Variants in RABGAP1L observed in about 807,000 individuals in gnomAD.
RABGAP1L encodes rab GTPase-activating protein 1-like.
In RABGAP1L, 63 loss-of-function variants were observed where a neutral mutation model predicts 137.7. The ratio of observed to expected loss-of-function variants is 0.46; its 90% CI spans 0.37 to 0.56. The LOEUF (loss-of-function observed/expected upper bound fraction) is 0.56. Among genes scored for constraint, RABGAP1L ranks in the 20% least tolerant of loss-of-function variants. The pLI, the probability that RABGAP1L is intolerant of heterozygous loss-of-function variation, is 0.00. For missense variants in RABGAP1L, 1,095 were observed against 1,244.0 expected (o/e 0.88, Z 1.80); for synonymous variants, 431 against 433.7 (o/e 0.99, Z 0.08).
chr1:174,330,990 G>A (rs190411282), intron 11 of RABGAP1L, among the ~76,000 whole-genome samples: 4 of 152,200 alleles, frequency 2.6e-5, no homozygotes, highest in Admixed American at 6.5e-5. Context: ...AAAAATAGAC[G>A]CATAGACCTA....
At chr1:174,680,498 G>A (rs745953227) in intron 14 of RABGAP1L, among the ~76,000 whole-genome samples, 1 of 152,160 alleles carries the variant, frequency 6.6e-6, no homozygotes, top group Non-Finnish European at 1.5e-5. Flanking sequence ...TTGTTTATAA[G>A]CTAATTAGTC....
intron 12 of RABGAP1L, among the ~76,000 whole-genome samples, chr1:174,391,630 C>T (rs770366726): frequency 1.3e-5 from 2 of 152,184 alleles, no homozygotes; most frequent in South Asian, 2.1e-4. Context: ...ATATGAGCCA[C>T]TGTGCCCAGC....
At chr1:174,985,452 G>T (rs747678416) in intron 24 of RABGAP1L, among the ~76,000 whole-genome samples, 2 of 152,158 alleles carry the variant, frequency 1.3e-5, no homozygotes, top group African/African-American at 2.4e-5. Context: ...TCGCAAACAG[G>T]TAATTCATTT....
chr1:174,291,705 A>G (rs74225904), intron 10 of RABGAP1L, among the ~76,000 whole-genome samples: 11,101 of 152,096 alleles, frequency 0.073, 598 homozygotes, highest in East Asian at 0.32. Context: ...CTTTCAAGGA[A>G]TGTTTCAATT....
At chr1:174,799,962 ACACACACACACACACACT>A (rs1461325129) in intron 18 of RABGAP1L, 3 of 887,598 alleles carry the variant, frequency 3.4e-6, no homozygotes, top group South Asian at 4.6e-5. Context: ...ACACACACAC[ACACACACACACACACACT>A]CTCACACATT....
chr1:174,213,311 G>C (rs1481596867), intron 1 of RABGAP1L, among the ~76,000 whole-genome samples: 1 of 152,104 alleles, frequency 6.6e-6, no homozygotes. Flanking sequence ...TGTAGTCCTA[G>C]CTACTCTGGA....
At chr1:174,763,738 T>C (rs900232483) in intron 18 of RABGAP1L, among the ~76,000 whole-genome samples, 3 of 129,454 alleles carry the variant, frequency 2.3e-5, no homozygotes, top group African/African-American at 8.9e-5. Flanking sequence ...TGCAGGAGGC[T>C]GAGGCAAGAG....
chr1:174,165,410 A>G (rs1483323736), intron 1 of RABGAP1L, among the ~76,000 whole-genome samples: 1 of 152,082 alleles, frequency 6.6e-6, no homozygotes, highest in Non-Finnish European at 1.5e-5. Context: ...TCAGCCTCCC[A>G]AAGTGCTGGG....
rs1173137609 is a variant in RABGAP1L at position 174,448,997 on chromosome 1, C to G, written c.1710+54852C>G. 6.2e-7 allele frequency: 1 copy of G among 1,613,004 alleles called. No individual in the cohort carries two copies. The highest frequency in any genetic ancestry group is 8.5e-7 in the Non-Finnish European group (1 of 1,179,120). Reference sequence around the variant, plus strand: ...AGAAAGCTCCCGGGTCTTGGACAATCCAACTCTGTCCTTCTTAACAACCTG... The same window carrying G: ...AGAAAGCTCCCGGGTCTTGGACAATGCAACTCTGTCCTTCTTAACAACCTG... On this transcript the variant is annotated intron_variant, in intron 13 of 25. Transcript: ENST00000681986. The surrounding 1 kb of genome is among the most constrained non-coding windows in gnomAD (Gnocchi z 4.2).
At chr1:174,223,185 T>C (rs1289472077) in intron 3 of RABGAP1L, among the ~76,000 whole-genome samples, 1 of 146,064 alleles carries the variant, frequency 6.8e-6, no homozygotes, top group Non-Finnish European at 1.5e-5. Context: ...AGAGAATCGC[T>C]TGAACCTGGG....
chr1:174,554,667 C>T (rs1334236074), intron 13 of RABGAP1L, among the ~76,000 whole-genome samples: 2 of 152,016 alleles, frequency 1.3e-5, no homozygotes, highest in Non-Finnish European at 2.9e-5. Flanking sequence ...CAATTTTAGG[C>T]AAAGCACATT....
chr1:174,802,355 C>T (rs1047417660), intron 18 of RABGAP1L, among the ~76,000 whole-genome samples: 2 of 152,122 alleles, frequency 1.3e-5, no homozygotes, highest in African/African-American at 4.8e-5. Flanking sequence ...GCCTGTATAC[C>T]CAGCACTTTG....
intron 7 of RABGAP1L, among the ~76,000 whole-genome samples, chr1:174,259,338 G>A (rs1000327384): frequency 6.6e-6 from 1 of 152,036 alleles, no homozygotes; most frequent in Non-Finnish European, 1.5e-5. Context: ...GCCAGGCACT[G>A]TTCTAGGTGG....
At chr1:174,456,086 T>G (rs1456993289) in intron 13 of RABGAP1L, among the ~76,000 whole-genome samples, 1 of 152,124 alleles carries the variant, frequency 6.6e-6, no homozygotes, top group African/African-American at 2.4e-5. Flanking sequence ...TATGTGAATT[T>G]TTTTCTTTTA....
intron 11 of RABGAP1L, among the ~76,000 whole-genome samples, chr1:174,354,744 G>C (rs1009590173): frequency 6.6e-6 from 1 of 152,164 alleles, no homozygotes; most frequent in Non-Finnish European, 1.5e-5. Flanking sequence ...CCATGCCTAT[G>C]TCCTGAATGG....
chr1:174,841,416 A>C (rs1456699374), intron 19 of RABGAP1L, among the ~76,000 whole-genome samples: 1 of 152,116 alleles, frequency 6.6e-6, no homozygotes, highest in African/African-American at 2.4e-5. Flanking sequence ...ACAAAAGCAT[A>C]ATGAAAACAA....
chr1:174,457,917 T>A (rs1021586032), intron 13 of RABGAP1L, among the ~76,000 whole-genome samples: 1 of 152,204 alleles, frequency 6.6e-6, no homozygotes, highest in Non-Finnish European at 1.5e-5. Flanking sequence ...AACTTCTCTG[T>A]CAATCAAGTT....
At chr1:174,842,684 G>C (rs1169182985) in intron 19 of RABGAP1L, among the ~76,000 whole-genome samples, 1 of 152,150 alleles carries the variant, frequency 6.6e-6, no homozygotes, top group Non-Finnish European at 1.5e-5. Context: ...CAAGATCCTA[G>C]TGCTGGTACA....
rs190162438 is a variant in RABGAP1L, at chr1:174,290,708, G to T, written c.1323+11929G>T. Among the ~76,000 whole-genome samples the T allele has an allele frequency of 1.2e-3, 177 of 148,646 alleles. 1 individual carries two copies. Among genetic ancestry groups the T allele is most frequent in the African/African-American group, 4.3e-3 (173 of 40,634 alleles). ...TAGAATACATAAAGACTTGATTTTT[G>T]TATATTAGCCATATTTCCCGCAACT... On this transcript the variant is annotated intron_variant, in intron 10 of 25. Transcript: ENST00000681986.
Sources: gnomAD v4.1 joint callset for allele counts (sites outside exome capture counted in the v4.1 genomes callset) on GRCh38, gnomAD v4.1.1 for gene constraint, Gnocchi (gnomAD v3.1) non-coding constraint, MANE v1.5 for transcripts, NCBI Gene and HGNC (gene_info 2026-07-23, HGNC 2026-07-21) for gene names.